Variants in SGCZ observed in about 807,000 individuals in gnomAD.
SGCZ encodes zeta-sarcoglycan.
In SGCZ, 40 loss-of-function variants were observed where a neutral mutation model predicts 41.3. The ratio of observed to expected loss-of-function variants is 0.97; its 90% CI spans 0.75 to 1.26. SGCZ has a LOEUF of 1.26. Ranked by LOEUF, SGCZ falls within the 50% of genes most tolerant of loss-of-function variation. SGCZ has a pLI of 0.00. For synonymous variants in SGCZ, 206 were observed against 137.5 expected (o/e 1.50, Z -3.49); for missense variants, 552 against 369.8 (o/e 1.49, Z -4.04).
chr8:14,465,808 G>A (rs1217313512), intron 2 of SGCZ, among the ~76,000 whole-genome samples: 1 of 151,632 alleles, frequency 6.6e-6, no homozygotes, highest in Non-Finnish European at 1.5e-5. Context: ...TTCAGTTGTT[G>A]ATGACACAGA....
In SGCZ at chr8:14,702,963, A is replaced by C. The variant is rs530445399; in HGVS notation, c.40-148037T>G. On this transcript the variant is annotated intron_variant, in intron 1 of 7. Transcript: ENST00000382080. Reference sequence around the variant, plus strand: ...TAGATAGATAGATAGATAGATAGATAGATAGATAGACAGACAGACAGACAG... The same window carrying C: ...TAGATAGATAGATAGATAGATAGATCGATAGATAGACAGACAGACAGACAG... 6.4e-5 allele frequency among the ~76,000 whole-genome samples: 9 copies of C among 140,780 alleles called. No homozygotes were observed. The East Asian group carries it at 1.5e-3, about 23-fold the overall frequency. The allele number at this position is 140,780 out of a possible 152,430, so 92.4% of individuals were successfully genotyped here.
intron 4 of SGCZ, among the ~76,000 whole-genome samples, chr8:14,168,270 A>C (rs1181909448): frequency 6.6e-6 from 1 of 152,094 alleles, no homozygotes; most frequent in Non-Finnish European, 1.5e-5. Flanking sequence ...AAATCAGTCA[A>C]CCAACCAACA....
chr8:14,285,326 G>A (rs997359733), intron 3 of SGCZ, among the ~76,000 whole-genome samples: 52 of 151,978 alleles, frequency 3.4e-4, no homozygotes, highest in African/African-American at 1.0e-3. Flanking sequence ...GTTTGTTTGG[G>A]ACTTATTTCC....
intron 1 of SGCZ, among the ~76,000 whole-genome samples, chr8:14,674,999 C>G (rs1446915492): frequency 8.2e-6 from 1 of 121,568 alleles, no homozygotes; most frequent in Admixed American, 1.2e-4. Flanking sequence ...AGTACAGTGG[C>G]GTGAACCCAG....
intron 1 of SGCZ, among the ~76,000 whole-genome samples, chr8:14,671,151 T>C (rs538588373): frequency 2.6e-5 from 4 of 152,318 alleles, no homozygotes; most frequent in African/African-American, 9.6e-5. Flanking sequence ...GACTGAGTCA[T>C]CCATTTATAG....
intron 1 of SGCZ, among the ~76,000 whole-genome samples, chr8:14,853,048 T>C (rs1385082629): frequency 2.0e-5 from 3 of 152,216 alleles, no homozygotes; most frequent in African/African-American, 7.2e-5. Context: ...ATAGAAAGTA[T>C]ATTCCAATAG....
intron 2 of SGCZ, among the ~76,000 whole-genome samples, chr8:14,373,772 C>T (rs1007559809): frequency 2.0e-5 from 3 of 151,972 alleles, no homozygotes; most frequent in South Asian, 4.2e-4. Context: ...GGTAGGTTTA[C>T]GGAAATCTTT....
intron 1 of SGCZ, among the ~76,000 whole-genome samples, chr8:14,656,765 T>A (rs988459379): frequency 9.2e-5 from 14 of 151,878 alleles, no homozygotes; most frequent in Non-Finnish European, 1.9e-4. Context: ...TTATGAGGAA[T>A]ATAGAAAACA....
intron 1 of SGCZ, among the ~76,000 whole-genome samples, chr8:15,197,659 C>A (rs1800772097): frequency 6.6e-6 from 1 of 152,116 alleles, no homozygotes; most frequent in Admixed American, 6.5e-5. Context: ...AGAGCTGTGA[C>A]TTAAGACCCA....
chr8:15,176,408 A>G (rs1213734667), intron 1 of SGCZ, among the ~76,000 whole-genome samples: 1 of 152,178 alleles, frequency 6.6e-6, no homozygotes, highest in Non-Finnish European at 1.5e-5. Flanking sequence ...AATACTTGGC[A>G]TTTGACGGCA....
intron 2 of SGCZ, among the ~76,000 whole-genome samples, chr8:14,501,494 T>C (rs774129726): frequency 2.0e-5 from 3 of 152,106 alleles, no homozygotes; most frequent in Non-Finnish European, 2.9e-5. Context: ...AAATGTATTT[T>C]AGCTCTTATA....
At chr8:15,179,543 T>C (rs1800101975) in intron 1 of SGCZ, among the ~76,000 whole-genome samples, 1 of 152,190 alleles carries the variant, frequency 6.6e-6, no homozygotes, top group Non-Finnish European at 1.5e-5. Context: ...TTTCGTTGTT[T>C]CAGTAATGTG....
intron 2 of SGCZ, among the ~76,000 whole-genome samples, chr8:14,432,144 T>C (rs529733691): frequency 6.6e-6 from 1 of 152,260 alleles, no homozygotes; most frequent in African/African-American, 2.4e-5. Context: ...GAACTAAAAG[T>C]AGAACTACCA....
intron 1 of SGCZ, among the ~76,000 whole-genome samples, chr8:14,741,187 T>C (rs761102916): frequency 1.1e-4 from 17 of 152,040 alleles, no homozygotes; most frequent in Non-Finnish European, 1.9e-4. Context: ...CTTGTTTTCC[T>C]GGGAGAGGTG....
intron 1 of SGCZ, among the ~76,000 whole-genome samples, chr8:15,003,000 G>C (rs552602613): frequency 6.6e-6 from 1 of 152,162 alleles, no homozygotes; most frequent in South Asian, 2.1e-4. Context: ...GTGCTCTCTT[G>C]CCTGTCACCA....
At chr8:14,168,480 G>A (rs1804274981) in intron 4 of SGCZ, among the ~76,000 whole-genome samples, 1 of 152,094 alleles carries the variant, frequency 6.6e-6, no homozygotes, top group African/African-American at 2.4e-5. Flanking sequence ...CTGTTCTCAT[G>A]AGTGTGAATA....
At chr8:15,179,735 C>G (rs1800108894) in intron 1 of SGCZ, among the ~76,000 whole-genome samples, 1 of 152,096 alleles carries the variant, frequency 6.6e-6, no homozygotes, top group African/African-American at 2.4e-5. Context: ...GTAATTCTGC[C>G]AATTTAATCA....
Position 14,342,794 on chromosome 8 carries a change from A to G in SGCZ, c.235-18590T>C, listed in dbSNP as rs374044509. 8.5e-4 allele frequency among the ~76,000 whole-genome samples: 130 copies of G among 152,366 alleles called. 1 individual carries two copies. In the South Asian group the frequency reaches 0.026, roughly 30 times the overall value. On this transcript the variant is annotated intron_variant, in intron 2 of 7. Coordinates refer to ENST00000382080, the MANE Select transcript of SGCZ (RefSeq NM_139167.4). ...ATTCAAGCCGGCTGCAGAAATTTGC[A>G]TAAGTAGCAAGGAACCTAGTGTTAA...
intron 2 of SGCZ, among the ~76,000 whole-genome samples, chr8:14,455,821 T>C (rs1394243637): frequency 6.6e-6 from 1 of 152,232 alleles, no homozygotes; most frequent in Admixed American, 6.5e-5. Context: ...ATATGTAGGA[T>C]ATATTATTGT....
Sources: gnomAD v4.1 joint callset for allele counts (sites outside exome capture counted in the v4.1 genomes callset) on GRCh38, gnomAD v4.1.1 for gene constraint, MANE v1.5 for transcripts, NCBI Gene and HGNC (gene_info 2026-07-23, HGNC 2026-07-21) for gene names.